The following PCF11 variants were observed in gnomAD, a reference collection of about 807,000 sequenced individuals.
The protein encoded by PCF11 is pre-mRNA cleavage complex 2 protein Pcf11.
Under a neutral mutation model 166.1 loss-of-function variants are expected in PCF11, and 19 were observed. The ratio of observed to expected loss-of-function variants is 0.11; its 90% CI spans 0.08 to 0.17. The LOEUF (loss-of-function observed/expected upper bound fraction) is 0.17. Ranked by LOEUF, PCF11 falls within the 10% of genes least tolerant of loss-of-function variation. The pLI is 1.00. For missense variants in PCF11, 1,565 were observed against 1,855.5 expected, an observed-to-expected ratio of 0.84 and a Z score of 2.88; for synonymous variants, 663 against 644.1, an observed-to-expected ratio of 1.03 and a Z score of -0.44.
At chr11:83,157,247 A>T (rs888110928) in exon 1 of PCF11, 1 of 596,832 alleles carries the variant, frequency 1.7e-6, no homozygotes, top group African/African-American at 1.9e-5. Flanking sequence ...GACGGAGATC[A>T]CCCGCGAGAC....
At chr11:83,184,762 C>T (rs1338874384) in exon 16 of PCF11, 5 of 1,611,820 alleles carry the variant, frequency 3.1e-6, no homozygotes, top group Middle Eastern at 1.6e-4. Context: ...TTGTCAAAAA[C>T]GAATTGCAGG....
exon 1 of PCF11, chr11:83,157,547 C>T (rs1390549481): frequency 1.9e-6 from 3 of 1,613,870 alleles, no homozygotes; most frequent in African/African-American, 1.3e-5. Flanking sequence ...GCAAGCCGCA[C>T]ATCAATATGC....
At chr11:83,159,379 C>A (rs1252842748) in intron 1 of PCF11, among the ~76,000 whole-genome samples, 1 of 152,116 alleles carries the variant, frequency 6.6e-6, no homozygotes, top group African/African-American at 2.4e-5. Flanking sequence ...TTTTTAAAAT[C>A]TAATTACCTC....
chr11:83,178,720 G>A (rs1029786450), intron 11 of PCF11, among the ~76,000 whole-genome samples: 2 of 151,912 alleles, frequency 1.3e-5, no homozygotes, highest in African/African-American at 2.4e-5. Flanking sequence ...GGCTGAGGCA[G>A]GAGAATGGTG....
intron 11 of PCF11, 57 bp downstream of exon 11, chr11:83,177,876 T>C (rs1288104644): frequency 4.3e-6 from 3 of 692,958 alleles, no homozygotes; most frequent in African/African-American, 1.8e-5. Context: ...AACACTGTTA[T>C]AGTGGACATT....
intron 11 of PCF11, 68 bp downstream of exon 11, chr11:83,177,887 G>A (rs1860941792): frequency 3.5e-6 from 2 of 565,278 alleles, no homozygotes; most frequent in Admixed American, 5.7e-5. Context: ...AGTGGACATT[G>A]TTACTATTAG....
At chr11:83,162,336 TTCAGTATTAGATTTTACATG>T (rs1860288100) in intron 2 of PCF11, among the ~76,000 whole-genome samples, 1 of 152,246 alleles carries the variant, frequency 6.6e-6, no homozygotes, top group African/African-American at 2.4e-5. Context: ...GGAAGAACTA[TTCAGTATTAGATTTTACATG>T]TTTATTAGAA....
In PCF11 at chr11:83,164,412, G is replaced by A. The variant is rs755376250; in HGVS notation, c.702+11G>A. On this transcript the variant is annotated intron_variant, in intron 4 of 15. Coordinates refer to ENST00000298281, the Ensembl canonical transcript of PCF11. ...GCTAAGGCACAGTTGGTAAGTAAGGGAGATTGTCATTTTAAATATTTTAAA... is the reference window on the plus strand; with the variant it reads ...GCTAAGGCACAGTTGGTAAGTAAGGAAGATTGTCATTTTAAATATTTTAAA... The A allele has an allele frequency of 2.6e-5, 41 of 1,593,062 alleles. No individual in the cohort carries two copies. Among genetic ancestry groups the A allele is most frequent in the Non-Finnish European group, 3.5e-5 (41 of 1,170,068 alleles).
intron 2 of PCF11, among the ~76,000 whole-genome samples, chr11:83,163,369 C>G (rs1461550809): frequency 1.3e-5 from 2 of 151,744 alleles, no homozygotes; most frequent in African/African-American, 4.8e-5. Context: ...TTCTAGTTGT[C>G]TTACATTTTT....
chr11:83,184,554 T>G, intron 15 of PCF11, 125 bp from the exon 16 acceptor site: 1 of 651,670 alleles, frequency 1.5e-6, no homozygotes, highest in Non-Finnish European at 2.7e-6. Context: ...GGGAGGCAGG[T>G]GTTTCATTTG....
chr11:83,165,097 T>G (rs1860398912), intron 4 of PCF11, among the ~76,000 whole-genome samples: 4 of 152,192 alleles, frequency 2.6e-5, no homozygotes, highest in Admixed American at 2.6e-4. Context: ...GCCAGGAAGA[T>G]TATATCTTTC....
chr11:83,166,783 A>G (rs561565245), intron 5 of PCF11, 69 bp downstream of exon 5: 1 of 1,409,460 alleles, frequency 7.1e-7, no homozygotes, highest in South Asian at 1.4e-5. Context: ...TAATTTAAAA[A>G]TTGGAAAATG....
chr11:83,165,700 C>A, exon 5 of PCF11: 1 of 1,613,748 alleles, frequency 6.2e-7, no homozygotes, highest in East Asian at 2.2e-5. Context: ...GCAGTTAAAG[C>A]TCCTCATCAG....
chr11:83,162,537 TA>T (rs1860298548), intron 2 of PCF11, among the ~76,000 whole-genome samples: 1 of 152,234 alleles, frequency 6.6e-6, no homozygotes. Flanking sequence ...AGGAGAAGCT[TA>T]ACCAACCTCT....
chr11:83,170,442 C>T (rs1860647254), intron 8 of PCF11, among the ~76,000 whole-genome samples: 1 of 152,162 alleles, frequency 6.6e-6, no homozygotes, highest in Non-Finnish European at 1.5e-5. Flanking sequence ...CCTGCTTTCA[C>T]AGTCTACAAT....
rs1860056008 is a variant in PCF11 at position 83,157,861 on chromosome 11, C to T, written c.192+230C>T. 1.2e-5 allele frequency: 7 copies of T among 564,912 alleles called. No individual in the cohort carries two copies. The East Asian group carries it at 1.5e-4, about 12-fold the overall frequency. 35.0% of individuals were successfully genotyped at this position (564,912 alleles called of 1,614,324 possible). Reference sequence around the variant, plus strand: ...GAGTCCCACTTCCGCTTTCCAACTCCCTTTTTAGGCCACCGCATTGTATAT... The same window carrying T: ...GAGTCCCACTTCCGCTTTCCAACTCTCTTTTTAGGCCACCGCATTGTATAT... On this transcript the variant is annotated intron_variant, in intron 1 of 15. Transcript: ENST00000298281.
chr11:83,171,373 G>A, intron 8 of PCF11: 1 of 431,700 alleles, frequency 2.3e-6, no homozygotes, highest in Non-Finnish European at 4.6e-6. Context: ...TCTGGCCTCA[G>A]TTTTGCTCCT....
intron 9 of PCF11, among the ~76,000 whole-genome samples, chr11:83,173,719 CTTTTTTTTTTTT>C (rs869126679): frequency 4.4e-4 from 26 of 59,070 alleles, no homozygotes; most frequent in Middle Eastern, 0.016. Context: ...TTCTTTCTTT[CTTTTTTTTTTTT>C]TTTTTTTTTT....
chr11:83,185,517 T>TA (rs1861256225), exon 16 of PCF11: 1 of 152,532 alleles, frequency 6.6e-6, no homozygotes, highest in South Asian at 2.1e-4. Context: ...CTTTTGAAAA[T>TA]ATCTAATGAT....
Sources: allele counts gnomAD v4.1 joint callset (sites outside exome capture counted in the v4.1 genomes callset), GRCh38; gene constraint gnomAD v4.1.1; transcripts MANE v1.5; gene names NCBI Gene and HGNC (gene_info 2026-07-23, HGNC 2026-07-21).